PCNX2: variants seen among roughly 807,000 people sequenced by gnomAD.
PCNX2 encodes the protein pecanex 2.
In PCNX2, 168 loss-of-function variants were observed where a neutral mutation model predicts 223.8. That is an observed-to-expected ratio of 0.75 (90% CI 0.66 to 0.85). PCNX2 has a LOEUF of 0.85. Ranked by LOEUF, PCNX2 falls within the 40% of genes least tolerant of loss-of-function variation. The pLI, the probability that PCNX2 is intolerant of heterozygous loss-of-function variation, is 0.00. For missense variants in PCNX2, 2,507 were observed against 2,675.5 expected (o/e 0.94, Z 1.39); for synonymous variants, 1,006 against 1,052.6 (o/e 0.96, Z 0.86).
chr1:233,258,841 G>T lies in PCNX2; in HGVS notation c.1021C>A (p.Leu341Met). ...CQVDTSCQGD[L>M]PLHQEVDSSD... ...GAGTCCACTTCCTGGTGCAAGGGCAGGTCCCCCTGGCAGGAGGTATCTACC... is the reference window on the plus strand; with the variant it reads ...GAGTCCACTTCCTGGTGCAAGGGCATGTCCCCCTGGCAGGAGGTATCTACC... The change falls in exon 5 of 34, where the codon CTG (leucine) becomes ATG (methionine). Residue 341 changes from leucine (L) to methionine (M), a missense_variant. Transcript: ENST00000258229. 1.9e-6 allele frequency: 3 copies of T among 1,613,932 alleles called. No individual in the cohort carries two copies. Among genetic ancestry groups the T allele is most frequent in the Non-Finnish European group, 2.5e-6 (3 of 1,179,884 alleles).
chr1:233,227,781 T>C (rs1657835157), intron 9 of PCNX2, among the ~76,000 whole-genome samples: 1 of 152,188 alleles, frequency 6.6e-6, no homozygotes, highest in African/African-American at 2.4e-5. Flanking sequence ...CATATTCAAA[T>C]TTTACTAAGA....
At chr1:233,110,006 T>C (rs1675024481) in intron 21 of PCNX2, among the ~76,000 whole-genome samples, 1 of 152,102 alleles carries the variant, frequency 6.6e-6, no homozygotes, top group South Asian at 2.1e-4. Context: ...GGAGAATCAC[T>C]TGAACCCAGG....
intron 25 of PCNX2, among the ~76,000 whole-genome samples, chr1:233,034,884 T>C (rs1438408237): frequency 6.6e-6 from 1 of 152,100 alleles, no homozygotes; most frequent in East Asian, 1.9e-4. Flanking sequence ...CCTAATTCTG[T>C]AGGTAACAGG....
the PCNX2 span, among the ~76,000 whole-genome samples, chr1:233,316,459 TC>T: frequency 6.6e-6 from 1 of 152,162 alleles, no homozygotes; most frequent in South Asian, 2.1e-4. Flanking sequence ...AGACCCCACA[TC>T]TTTAAATGCA....
At chr1:233,088,238 G>A (rs1572091162) in intron 23 of PCNX2, among the ~76,000 whole-genome samples, 1 of 152,152 alleles carries the variant, frequency 6.6e-6, no homozygotes, top group African/African-American at 2.4e-5. Context: ...CAACTGAGAG[G>A]TGTTTTACTT....
At chr1:233,269,622 G>T (rs1660525401) in intron 1 of PCNX2, among the ~76,000 whole-genome samples, 1 of 152,036 alleles carries the variant, frequency 6.6e-6, no homozygotes, top group Admixed American at 6.6e-5. Flanking sequence ...CCATCAATGT[G>T]GTTAAAGTAA....
intron 23 of PCNX2, among the ~76,000 whole-genome samples, chr1:233,084,138 CACAG>C (rs1423676024): frequency 6.6e-6 from 1 of 152,170 alleles, no homozygotes; most frequent in Admixed American, 6.5e-5. Context: ...AACTGAGGCT[CACAG>C]ACAAAGTAAC....
intron 32 of PCNX2, among the ~76,000 whole-genome samples, chr1:232,995,147 G>T (rs1181979160): frequency 2.0e-5 from 3 of 152,168 alleles, no homozygotes; most frequent in Non-Finnish European, 2.9e-5. Context: ...ATCACCTGCA[G>T]CAAGGATGCT....
At chr1:233,149,490 T>G (rs932622923) in intron 19 of PCNX2, among the ~76,000 whole-genome samples, 1 of 152,142 alleles carries the variant, frequency 6.6e-6, no homozygotes, top group Non-Finnish European at 1.5e-5. Context: ...CTATCCCTGG[T>G]GTCACCCCTG....
the PCNX2 span, among the ~76,000 whole-genome samples, chr1:233,312,403 TAA>T: frequency 1.7e-4 from 26 of 152,232 alleles, no homozygotes; most frequent in East Asian, 3.9e-4. Flanking sequence ...CAGAAGATAC[TAA>T]AAGTCTTTAT....
At chr1:233,179,609 C>A (rs1013862385) in intron 15 of PCNX2, among the ~76,000 whole-genome samples, 1 of 151,980 alleles carries the variant, frequency 6.6e-6, no homozygotes, top group African/African-American at 2.4e-5. Context: ...AACTGAAAAC[C>A]TGATAAAGAT....
chr1:233,036,694 A>C (rs1183403059), intron 25 of PCNX2, among the ~76,000 whole-genome samples: 1 of 152,208 alleles, frequency 6.6e-6, no homozygotes, highest in Admixed American at 6.5e-5. Flanking sequence ...AATAGAAATA[A>C]AATTCATGCA....
chr1:233,028,839 C>CTT (rs552422159), intron 25 of PCNX2, among the ~76,000 whole-genome samples: 124 of 129,750 alleles, frequency 9.6e-4, no homozygotes, highest in East Asian at 6.3e-3. Context: ...CTTTCCAGTC[C>CTT]TTTTTTTTTT....
At chr1:233,061,732 A>G (rs1672411839) in intron 23 of PCNX2, among the ~76,000 whole-genome samples, 1 of 151,700 alleles carries the variant, frequency 6.6e-6, no homozygotes, top group African/African-American at 2.4e-5. Flanking sequence ...TTTTCTTTAT[A>G]TTTATTTTTG....
chr1:233,053,260 CAG>C (rs764103926), intron 25 of PCNX2, among the ~76,000 whole-genome samples: 2 of 151,992 alleles, frequency 1.3e-5, no homozygotes, highest in Non-Finnish European at 2.9e-5. Flanking sequence ...TGAGTCCTCC[CAG>C]ATGCCAGGAG....
intron 13 of PCNX2, among the ~76,000 whole-genome samples, chr1:233,207,878 C>T (rs1039248733): frequency 6.6e-6 from 1 of 152,098 alleles, no homozygotes; most frequent in African/African-American, 2.4e-5. Flanking sequence ...GACTGAGAAC[C>T]GTGCCCATTC....
At chr1:233,267,814 C>T (rs911964354) in intron 1 of PCNX2, among the ~76,000 whole-genome samples, 19 of 152,208 alleles carry the variant, frequency 1.2e-4, no homozygotes, top group African/African-American at 2.6e-4. Context: ...CTGTGAATAA[C>T]GCTGCTCTCA....
chr1:233,035,678 G>T (rs1160229459), intron 25 of PCNX2, among the ~76,000 whole-genome samples: 1 of 152,176 alleles, frequency 6.6e-6, no homozygotes, highest in Non-Finnish European at 1.5e-5. Flanking sequence ...ACAAACGTTG[G>T]GATACATATG....
intron 1 of PCNX2, among the ~76,000 whole-genome samples, chr1:233,265,589 C>A (rs144259332): frequency 5.9e-5 from 9 of 152,106 alleles, no homozygotes; most frequent in African/African-American, 2.2e-4. Context: ...AGTAACTCTG[C>A]GGAGCAAGGC....
Sources: allele counts gnomAD v4.1 joint callset (sites outside exome capture counted in the v4.1 genomes callset), GRCh38; gene constraint gnomAD v4.1.1; transcripts MANE v1.5; gene names NCBI Gene and HGNC (gene_info 2026-07-23, HGNC 2026-07-21).